Variants in NEK10 observed in about 807,000 individuals in gnomAD.
NEK10 encodes serine/threonine-protein kinase Nek10.
NEK10 carries 122 observed loss-of-function variants against 159.8 expected under a neutral mutation model. That is an observed-to-expected ratio of 0.76 (90% CI 0.66 to 0.89). The LOEUF is 0.89. NEK10 is among the 40% of genes least tolerant of loss of function. The pLI is 0.00. For synonymous variants in NEK10, 466 were observed against 457.1 expected, an observed-to-expected ratio of 1.02 and a Z score of -0.25; for missense variants, 1,342 against 1,323.1, an observed-to-expected ratio of 1.01 and a Z score of -0.22.
At chr3:27,168,829 T>A (rs958839496) in intron 29 of NEK10, among the ~76,000 whole-genome samples, 1 of 152,228 alleles carries the variant, frequency 6.6e-6, no homozygotes, top group African/African-American at 2.4e-5. Flanking sequence ...CCACTTTCCA[T>A]ATCCATCTGT....
chr3:27,162,381 G>A (rs943066082), intron 30 of NEK10: 33 of 1,561,762 alleles, frequency 2.1e-5, no homozygotes, highest in Admixed American at 7.1e-5. Flanking sequence ...CCCAAGCATC[G>A]TTCAGACATC....
chr3:27,341,693 G>A (rs1209528784), intron 5 of NEK10, among the ~76,000 whole-genome samples: 1 of 152,100 alleles, frequency 6.6e-6, no homozygotes, highest in East Asian at 1.9e-4. Context: ...TTCTGAGAAT[G>A]GGGGAGTAAT....
chr3:27,315,573 G>C (rs1294448413), intron 6 of NEK10, among the ~76,000 whole-genome samples: 3 of 151,364 alleles, frequency 2.0e-5, no homozygotes, highest in Non-Finnish European at 2.9e-5. Flanking sequence ...AGGAGGTTTT[G>C]TACACATAAA....
At chr3:27,305,052 G>C in intron 11 of NEK10, 81 bp from the exon 12 acceptor site, 2 of 842,976 alleles carry the variant, frequency 2.4e-6, no homozygotes, top group Admixed American at 2.1e-5. Context: ...GCTATCATCA[G>C]TGCATGAAAT....
At chr3:27,318,207 C>T (rs1041477856) in intron 6 of NEK10, among the ~76,000 whole-genome samples, 7 of 152,250 alleles carry the variant, frequency 4.6e-5, no homozygotes, top group Admixed American at 3.3e-4. Flanking sequence ...GTTTGGTATA[C>T]TCGATTTGTA....
At chr3:27,236,340 G>T (rs959621909) in intron 23 of NEK10, among the ~76,000 whole-genome samples, 1 of 151,768 alleles carries the variant, frequency 6.6e-6, no homozygotes, top group Admixed American at 6.6e-5. Context: ...AGAACAAAAT[G>T]TATATATACA....
chr3:27,353,823 A>C (rs1239931736), intron 1 of NEK10, among the ~76,000 whole-genome samples: 1 of 152,190 alleles, frequency 6.6e-6, no homozygotes, highest in Admixed American at 6.5e-5. Flanking sequence ...GCAAAAAAAC[A>C]AACAAAAACC....
chr3:27,170,071 T>G (rs908148484), intron 29 of NEK10, among the ~76,000 whole-genome samples: 4 of 152,164 alleles, frequency 2.6e-5, no homozygotes, highest in South Asian at 4.1e-4. Flanking sequence ...AGAGTCTAAA[T>G]TACACAAGCC....
chr3:27,225,652 GTA>G (rs1952562417), intron 23 of NEK10, among the ~76,000 whole-genome samples: 1 of 152,174 alleles, frequency 6.6e-6, no homozygotes, highest in South Asian at 2.1e-4. Context: ...AGCCAACATT[GTA>G]TTGGGTCAGG....
chr3:27,115,892 A>T (rs759689546), intron 35 of NEK10, 48 bp downstream of exon 35: 1 of 1,326,542 alleles, frequency 7.5e-7, no homozygotes, highest in Admixed American at 1.8e-5. Flanking sequence ...CTAACATCTG[A>T]TGACCTCAAT....
At position 27,256,390 on chromosome 3, in the gene NEK10, C is replaced by T. The variant is rs192295417; in HGVS notation, c.2015-19G>A. The T allele has an allele frequency of 2.1e-4, 312 of 1,511,876 alleles. 1 individual carries two copies. The South Asian group carries it at 2.4e-3, about 12-fold the overall frequency. The allele number at this position is 1,511,876 out of a possible 1,614,324, so 93.7% of individuals were successfully genotyped here. A position where few individuals can be genotyped will look rare whatever the true frequency, so the allele number is the denominator to read the frequency against. On this transcript the variant is annotated intron_variant, in intron 22 of 35. Transcript: ENST00000691995. ...AAGTCAGCTACAATTCACAAAACAA[C>T]GCAATATGTTACTATATTTTCCCAG... is the stretch of plus-strand genomic sequence containing the variant.
intron 22 of NEK10, among the ~76,000 whole-genome samples, chr3:27,279,622 A>G (rs2042007157): frequency 6.6e-6 from 1 of 152,242 alleles, no homozygotes; most frequent in African/African-American, 2.4e-5. Flanking sequence ...TTAAAGAATG[A>G]CATCAAATCT....
intron 22 of NEK10, among the ~76,000 whole-genome samples, chr3:27,283,092 A>G (rs1004218278): frequency 6.6e-6 from 1 of 152,094 alleles, no homozygotes; most frequent in Non-Finnish European, 1.5e-5. Context: ...ATATATTAAT[A>G]TGATGTTCTA....
chr3:27,326,526 T>C (rs1559505624), intron 5 of NEK10, among the ~76,000 whole-genome samples: 1 of 152,194 alleles, frequency 6.6e-6, no homozygotes, highest in Non-Finnish European at 1.5e-5. Context: ...TTCATATTAA[T>C]ATAAATATAA....
At chr3:27,134,087 G>A (rs549233789) in intron 31 of NEK10, among the ~76,000 whole-genome samples, 1 of 151,848 alleles carries the variant, frequency 6.6e-6, no homozygotes, top group Non-Finnish European at 1.5e-5. Flanking sequence ...GGGGGTGCAG[G>A]GAGAGAGAGA....
Position 27,344,267 on chromosome 3 carries a change from C to T in NEK10, c.362+5G>A, listed in dbSNP as rs1254082061. 1 of 1,465,908 alleles carries T rather than the reference C, an allele frequency of 6.8e-7. No homozygotes were observed. Among genetic ancestry groups the T allele is most frequent in the Non-Finnish European group, 9.5e-7 (1 of 1,052,320 alleles). 90.8% of individuals were successfully genotyped at this position (1,465,908 alleles called of 1,614,324 possible). On this transcript the variant is annotated splice_donor_5th_base_variant and intron_variant, in intron 5 of 35. Transcript: ENST00000691995. ...TAAAAGCCTGTTTTCCAGGAACAAT[C>T]TTACCTGCTTATGAGTCTATTTTTC...
chr3:27,222,095 A>G lies in NEK10; in HGVS notation c.2091-19538T>C, dbSNP rs1952165085. On this transcript the variant is annotated intron_variant, in intron 23 of 35. Transcript: ENST00000691995. ...TTTCTTCAAAAAACTTTTCCTGGCC[A>G]GGCGCAGCGGCAAATGCCTGTAATC... is the stretch of plus-strand genomic sequence containing the variant. 2.0e-5 allele frequency among the ~76,000 whole-genome samples: 3 copies of G among 152,324 alleles called. No individual in the cohort carries two copies. In the South Asian group the frequency reaches 6.2e-4, roughly 32 times the overall value.
At chr3:27,215,385 T>C (rs900855189) in intron 23 of NEK10, among the ~76,000 whole-genome samples, 2 of 152,198 alleles carry the variant, frequency 1.3e-5, no homozygotes, top group Admixed American at 1.3e-4. Flanking sequence ...CACTTCAAAA[T>C]TGTAGGACTG....
intron 30 of NEK10, among the ~76,000 whole-genome samples, chr3:27,157,247 T>G (rs962698658): frequency 6.6e-6 from 1 of 151,610 alleles, no homozygotes; most frequent in Non-Finnish European, 1.5e-5. Context: ...GCTCAGGTAA[T>G]GGGTGCACCA....
Sources: gnomAD v4.1 joint callset for allele counts (sites outside exome capture counted in the v4.1 genomes callset) on GRCh38, gnomAD v4.1.1 for gene constraint, MANE v1.5 for transcripts, NCBI Gene and HGNC (gene_info 2026-07-23, HGNC 2026-07-21) for gene names.